The following NAA16 variants were observed in gnomAD, a reference collection of about 807,000 sequenced individuals.
NAA16 encodes N-alpha-acetyltransferase 16, NatA auxiliary subunit, also known as NARG1-like protein.
Under a neutral mutation model 110.3 loss-of-function variants are expected in NAA16, and 97 were observed. The ratio of observed to expected loss-of-function variants is 0.88; its 90% CI spans 0.75 to 1.04. The LOEUF (loss-of-function observed/expected upper bound fraction) is 1.04, where lower values mean the gene tolerates loss of function less well. Among genes scored for constraint, NAA16 ranks in the 50% least tolerant of loss-of-function variants. NAA16 has a pLI of 0.00. For synonymous variants in NAA16, 372 were observed against 330.6 expected (o/e 1.13, Z -1.36); for missense variants, 1,017 against 1,005.1 (o/e 1.01, Z -0.16).
chr13:41,346,620 G>A (rs1484538292), intron 9 of NAA16, among the ~76,000 whole-genome samples: 1 of 152,136 alleles, frequency 6.6e-6, no homozygotes, highest in Non-Finnish European at 1.5e-5. Context: ...AGACTGGCGG[G>A]GTGGTCTCGT....
intron 15 of NAA16, 69 bp downstream of exon 15, chr13:41,369,352 A>C: frequency 7.7e-7 from 1 of 1,305,476 alleles, no homozygotes; most frequent in Non-Finnish European, 1.0e-6. Context: ...CTGACAGTTA[A>C]CATGATTTAT....
chr13:41,365,982 T>A (rs1187844870), intron 13 of NAA16, among the ~76,000 whole-genome samples: 1 of 152,222 alleles, frequency 6.6e-6, no homozygotes, highest in Non-Finnish European at 1.5e-5. Context: ...TTTCCTTAGT[T>A]AACTGTATTG....
intron 14 of NAA16, among the ~76,000 whole-genome samples, chr13:41,368,332 T>C (rs1593528307): frequency 6.6e-6 from 1 of 152,312 alleles, no homozygotes; most frequent in Non-Finnish European, 1.5e-5. Flanking sequence ...CTAATATTTA[T>C]ATAGTATTTA....
chr13:41,360,474 G>A (rs1049211541), intron 12 of NAA16, among the ~76,000 whole-genome samples: 2 of 152,158 alleles, frequency 1.3e-5, no homozygotes, highest in African/African-American at 4.8e-5. Context: ...ACACTGGGAT[G>A]CGTCTTTAAA....
intron 9 of NAA16, among the ~76,000 whole-genome samples, chr13:41,346,409 A>G: frequency 6.6e-6 from 1 of 152,222 alleles, no homozygotes; most frequent in African/African-American, 2.4e-5. Context: ...AATAGGAGAC[A>G]CTGGAGAGGC....
intron 13 of NAA16, chr13:41,362,818 A>T (rs1321069688): frequency 1.6e-6 from 2 of 1,289,454 alleles, no homozygotes; most frequent in Non-Finnish European, 2.0e-6. Context: ...TGTGGGGGCA[A>T]TCGGCACCAC....
chr13:41,341,931 G>T (rs1210184896), intron 9 of NAA16, among the ~76,000 whole-genome samples: 1 of 146,592 alleles, frequency 6.8e-6, no homozygotes, highest in Non-Finnish European at 1.5e-5. Context: ...TCCTGGGTTC[G>T]CGCCATTCTC....
chr13:41,325,888 G>C, intron 6 of NAA16, 37 bp downstream of exon 6: 5 of 1,526,322 alleles, frequency 3.3e-6, no homozygotes, highest in Non-Finnish European at 4.4e-6. Context: ...GCCTCAAACA[G>C]AAAACAAAAA....
rs1172737027 is a variant in NAA16, at chr13:41,372,249, A to T, written c.1994A>T (p.Lys665Met). The T allele has an allele frequency of 6.2e-7, 1 of 1,605,260 alleles. No homozygotes were observed. Among genetic ancestry groups the T allele is most frequent in the Non-Finnish European group, 8.5e-7 (1 of 1,176,546 alleles). ...GCCGTTAAGTTCCTTATACCTCTTA[A>T]GAACCTTGTTGCTGATAACATTGAC... is the stretch of plus-strand genomic sequence containing the variant. ...EEAVKFLIPL[K>M]NLVADNIDTH... Residue 665 changes from lysine (K) to methionine (M), a missense_variant, in exon 16 of 20, where the codon AAG (lysine) becomes ATG (methionine). By Grantham distance (95) the Lys-to-Met change is moderately conservative (BLOSUM62 -1). Transcript: ENST00000379406.
chr13:41,339,956 A>C (rs1182488945), intron 9 of NAA16, among the ~76,000 whole-genome samples: 1 of 152,196 alleles, frequency 6.6e-6, no homozygotes, highest in Non-Finnish European at 1.5e-5. Context: ...GGTGAAGAAA[A>C]GGAGAAATTC....
intron 9 of NAA16, among the ~76,000 whole-genome samples, chr13:41,348,285 G>C (rs1033710589): frequency 6.6e-6 from 1 of 151,652 alleles, no homozygotes; most frequent in African/African-American, 2.4e-5. Context: ...CTCCTGCCTC[G>C]GTCTCCCAAG....
At chr13:41,340,390 C>T (rs916894405) in intron 9 of NAA16, among the ~76,000 whole-genome samples, 19 of 152,068 alleles carry the variant, frequency 1.2e-4, no homozygotes, top group African/African-American at 3.9e-4. Context: ...TTTGTTTGCC[C>T]TTGCTTCTCT....
chr13:41,320,534 C>T (rs918314513), intron 3 of NAA16, 133 bp from the exon 4 acceptor site: 1 of 807,230 alleles, frequency 1.2e-6, no homozygotes, highest in Non-Finnish European at 1.8e-6. Context: ...TCACCATTCC[C>T]CTCCCCCAGA....
chr13:41,344,104 C>T (rs2042623304), intron 9 of NAA16, among the ~76,000 whole-genome samples: 1 of 152,202 alleles, frequency 6.6e-6, no homozygotes, highest in Non-Finnish European at 1.5e-5. Context: ...TATCTTTATA[C>T]TAGCTTTGCT....
In NAA16 at chr13:41,331,332, A is replaced by G. The variant is rs781620932; in HGVS notation, c.870A>G (p.Ala290=). ...YEEISKQHPK[A]ITPRRLPLTL... ...AAATTAGTAAGCAGCACCCCAAAGC[A>G]ATTACACCCAGAAGATTACCTTTGA... Residue 290 remains alanine (A), a synonymous_variant, in exon 8 of 20, where the codon GCA becomes GCG. Coordinates refer to ENST00000379406, the MANE Select transcript of NAA16 (RefSeq NM_024561.5). 1 of 1,609,700 alleles carries G rather than the reference A, an allele frequency of 6.2e-7. No homozygotes were observed. Among genetic ancestry groups the G allele is most frequent in the Non-Finnish European group, 8.5e-7 (1 of 1,177,306 alleles).
At position 41,311,452 on chromosome 13, in the gene NAA16, CG is replaced by C; in HGVS notation, c.-75del. ...CCCGACTCTCAGCAGCGGTTCGTCC[CG>C]GTGCCCACCCCCGCGAAGCGGAGCG... is the stretch of plus-strand genomic sequence containing the variant. On this transcript the variant is annotated 5_prime_UTR_variant, in exon 1 of 20. Coordinates refer to ENST00000379406, the MANE Select transcript of NAA16 (RefSeq NM_024561.5). 1 of 1,417,514 alleles carries C rather than the reference CG, an allele frequency of 7.1e-7. No homozygotes were observed. The highest frequency in any genetic ancestry group is 1.2e-5 in the South Asian group (1 of 81,026). 87.8% of individuals were successfully genotyped at this position (1,417,514 alleles called of 1,614,324 possible).
Position 41,372,774 on chromosome 13 carries a change from C to A in NAA16, c.2099C>A (p.Ala700Asp). Reference protein sequence around the residue: ...LMLQSVKRAFAINSNNPWLHE... With the variant: ...LMLQSVKRAFDINSNNPWLHE... ...CTGCAGTCTGTCAAACGAGCTTTTG[C>A]CATTAACAGTAATAACCCATGGTTA... The change falls in exon 17 of 20, where the codon GCC becomes GAC. Residue 700 changes from alanine to aspartate, a missense_variant. By Grantham distance (126) the Ala-to-Asp change is moderately radical. Coordinates refer to ENST00000379406, the MANE Select transcript of NAA16 (RefSeq NM_024561.5). 1.2e-6 allele frequency: 2 copies of A among 1,602,326 alleles called. No individual in the cohort carries two copies. The highest frequency in any genetic ancestry group is 1.7e-6 in the Non-Finnish European group (2 of 1,173,000).
intron 9 of NAA16, among the ~76,000 whole-genome samples, chr13:41,345,251 T>C (rs2042651101): frequency 6.6e-6 from 1 of 152,214 alleles, no homozygotes; most frequent in Non-Finnish European, 1.5e-5. Context: ...TTTAAACTTT[T>C]AAGGAACTGT....
At position 41,374,800 on chromosome 13, in the gene NAA16, C is replaced by T; in HGVS notation, c.2358C>T (p.Ala786=). The T allele has an allele frequency of 6.2e-7, 1 of 1,612,150 alleles. No individual in the cohort carries two copies. The highest frequency in any genetic ancestry group is 8.5e-7 in the Non-Finnish European group (1 of 1,179,020). ...GGCAGGAGAAAGCAATTGCTATAGC[C>T]ACTAGACTAGATGAAACTATAAAAG... ...KSRQEKAIAI[A]TRLDETIKDK... Residue 786 remains alanine, a synonymous_variant, in exon 19 of 20, where the codon GCC becomes GCT. Transcript: ENST00000379406.
Sources: gnomAD v4.1 joint callset for allele counts (sites outside exome capture counted in the v4.1 genomes callset) on GRCh38, gnomAD v4.1.1 for gene constraint, MANE v1.5 for transcripts, NCBI Gene and HGNC (gene_info 2026-07-23, HGNC 2026-07-21) for gene names.